Variants in CLUH observed in about 807,000 individuals in gnomAD.
The protein encoded by CLUH is CLUH binding protein of NUMT mRNA, also known as clustered mitochondria protein homolog.
In CLUH, 77 loss-of-function variants were observed where a neutral mutation model predicts 139.3. The ratio of observed to expected loss-of-function variants is 0.55; its 90% CI spans 0.46 to 0.67. CLUH has a LOEUF of 0.67. CLUH is among the 30% of genes least tolerant of loss of function. The pLI, the probability that CLUH is intolerant of heterozygous loss-of-function variation, is 0.00. For synonymous variants in CLUH, 999 were observed against 801.6 expected, an observed-to-expected ratio of 1.25 and a Z score of -4.16; for missense variants, 1,876 against 1,875.8, an observed-to-expected ratio of 1.00 and a Z score of 0.00.
At chr17:2,705,806 T>TG (rs2070333796) in intron 1 of CLUH, among the ~76,000 whole-genome samples, 1 of 152,186 alleles carries the variant, frequency 6.6e-6, no homozygotes, top group South Asian at 2.1e-4. Flanking sequence ...CCAATCCACA[T>TG]GCTCCAGGGT....
rs1318189922 is a variant in CLUH at position 2,698,234 on chromosome 17, G to A, written c.1623C>T (p.Gly541=). 6.3e-7 allele frequency: 1 copy of A among 1,596,236 alleles called. No individual in the cohort carries two copies. Among genetic ancestry groups the A allele is most frequent in the Non-Finnish European group, 8.5e-7 (1 of 1,172,344 alleles). Residue 541 remains glycine (G), a synonymous_variant, in exon 10 of 26, where the codon GGC becomes GGT. Transcript: ENST00000651024. The stretch of plus-strand genomic sequence containing the variant: ...CCACGGTCTTGCCGAAGTCGATGGA[G>A]CCGTAGATGACGCTCTGCTCCTGGT... The part of the protein sequence containing the change: ...ERDQEQSVIY[G]SIDFGKTVVS...
At position 2,707,175 on chromosome 17, in the gene CLUH, G is replaced by T; in HGVS notation, c.101-2611C>A. ...GCTCACCAGGTCCCGGTGCTCACCT[G>T]GTGCAGTTGGCAGCTGCCCTCCCCT... is the stretch of plus-strand genomic sequence containing the variant. On this transcript the variant is annotated intron_variant, in intron 1 of 25. Coordinates refer to ENST00000651024, the MANE Select transcript of CLUH (RefSeq NM_001366661.1). This position sits in a 1 kb window ranked among gnomAD's most constrained non-coding sequence, Gnocchi z 7.4. 1 of 985,360 alleles carries T rather than the reference G, an allele frequency of 1.0e-6. No homozygotes were observed. Among genetic ancestry groups the T allele is most frequent in the South Asian group, 4.7e-5 (1 of 21,288 alleles). The allele number at this position is 985,360 out of a possible 1,614,324, so 61.0% of individuals were successfully genotyped here.
rs1325755860 is a variant in CLUH, at chr17:2,706,890, G to A, written c.101-2326C>T. 6.6e-6 allele frequency among the ~76,000 whole-genome samples: 1 copy of A among 152,190 alleles called. No homozygotes were observed. The highest frequency in any genetic ancestry group is 1.5e-5 in the Non-Finnish European group (1 of 68,026). The stretch of plus-strand genomic sequence containing the variant: ...AGACAGAGACAGCCTGTGTTCTTTC[G>A]CATGTCTGGAATGGGAGGACAGAAA... On this transcript the variant is annotated intron_variant, in intron 1 of 25. Coordinates refer to ENST00000651024, the MANE Select transcript of CLUH (RefSeq NM_001366661.1). The surrounding 1 kb of genome is among the most constrained non-coding windows in gnomAD (Gnocchi z 4.6).
rs2151717324 is a variant in CLUH, at chr17:2,703,196, C to T, written c.475+122G>A. The stretch of plus-strand genomic sequence containing the variant: ...AGGTGTGCTGGCCTGAGAAGCAGAT[C>T]TGTGCTCCAATCCTGCCTCCATGAG... On this transcript the variant is annotated intron_variant, in intron 3 of 25. Coordinates refer to ENST00000651024, the MANE Select transcript of CLUH (RefSeq NM_001366661.1). This position sits in a 1 kb window ranked among gnomAD's most constrained non-coding sequence, Gnocchi z 4.2. 1 of 1,033,998 alleles carries T rather than the reference C, an allele frequency of 9.7e-7. No individual in the cohort carries two copies. The highest frequency in any genetic ancestry group is 1.4e-6 in the Non-Finnish European group (1 of 713,226). The allele number at this position is 1,033,998 out of a possible 1,614,324, so 64.1% of individuals were successfully genotyped here.
Position 2,700,589 on chromosome 17 carries a change from G to A in CLUH, c.1173+89C>T, listed in dbSNP as rs960653219. 2.0e-6 allele frequency: 3 copies of A among 1,533,078 alleles called. No homozygotes were observed. In the African/African-American group the frequency reaches 4.1e-5, roughly 21 times the overall value. 95.0% of individuals were successfully genotyped at this position (1,533,078 alleles called of 1,614,324 possible). A position where few individuals can be genotyped will look rare whatever the true frequency, so the allele number is the denominator to read the frequency against. On this transcript the variant is annotated intron_variant, in intron 8 of 25. Coordinates refer to ENST00000651024, the MANE Select transcript of CLUH (RefSeq NM_001366661.1). ...GCCCCAGACTCCCAAATGAAGTCAA[G>A]CATGGGGCCTCCAGGGAAGTGCACG...
At chr17:2,692,905 T>C (rs1440329144) in intron 19 of CLUH, 45 bp from the exon 20 acceptor site, 2 of 1,526,128 alleles carry the variant, frequency 1.3e-6, no homozygotes, top group South Asian at 1.3e-5. Context: ...GAACCCCCAC[T>C]GCACCCAGAG....
Position 2,690,682 on chromosome 17 carries a change from G to C in CLUH, c.3959C>G (p.Ala1320Gly), listed in dbSNP as rs929544170. 42 of 1,565,720 alleles carry C rather than the reference G, an allele frequency of 2.7e-5. No individual in the cohort carries two copies. The highest frequency in any genetic ancestry group is 4.1e-5 in the Admixed American group (2 of 49,090). ...GGCCCCCGCTGGCGCGGGCTCGGTA[G>C]CCATGGGCTCCTCGGCTCTATCCCT... Reference protein sequence around the residue: ...RNRDRAEEPMATEPAPAGAPG... With the variant: ...RNRDRAEEPMGTEPAPAGAPG... Residue 1320 changes from alanine (A) to glycine (G), a missense_variant, in exon 26 of 26, where the codon GCT becomes GGT. By Grantham distance (60) the Ala-to-Gly change is moderately conservative. Coordinates refer to ENST00000651024, the MANE Select transcript of CLUH (RefSeq NM_001366661.1).
chr17:2,705,147 C>T (rs1008887247), intron 1 of CLUH, among the ~76,000 whole-genome samples: 5 of 152,020 alleles, frequency 3.3e-5, no homozygotes, highest in Non-Finnish European at 5.9e-5. Flanking sequence ...CAGGCATCAA[C>T]ATGTGGCTGT....
At chr17:2,691,939 G>GCCACGCCCCCC in intron 23 of CLUH, 44 bp from the exon 24 acceptor site, 2 of 1,061,460 alleles carry the variant, frequency 1.9e-6, no homozygotes, top group Non-Finnish European at 2.4e-6. Context: ...GTGCCCCCGC[G>GCCACGCCCCCC]GCCCCGCCCC....
rs1332026663 is a variant in CLUH at position 2,701,898 on chromosome 17, C to T, written c.619+16G>A. 3.1e-6 allele frequency: 5 copies of T among 1,613,202 alleles called. No individual in the cohort carries two copies. The highest frequency in any genetic ancestry group is 2.2e-5 in the South Asian group (2 of 91,086). ...CCGCCCTTTGGCCCAATCCCCGGCC[C>T]CAGTGCCTCCCGCACCTCCCAGGTC... On this transcript the variant is annotated intron_variant, in intron 4 of 25. Transcript: ENST00000651024.
Position 2,690,359 on chromosome 17 carries a change from C to T in CLUH, c.*235G>A, listed in dbSNP as rs2069572963. ...CCAGCCGGGAACTGATGGCCGCACA[C>T]GCCATTCACGTGTCTCCAATGGGGC... On this transcript the variant is annotated 3_prime_UTR_variant, in exon 26 of 26. Coordinates refer to ENST00000651024, the MANE Select transcript of CLUH (RefSeq NM_001366661.1). 4.7e-6 allele frequency: 2 copies of T among 425,324 alleles called. No homozygotes were observed. Among genetic ancestry groups the T allele is most frequent in the South Asian group, 6.8e-5 (1 of 14,610 alleles). 26.3% of individuals were successfully genotyped at this position (425,324 alleles called of 1,614,324 possible).
chr17:2,694,545 C>T lies in CLUH; in HGVS notation c.2872G>A (p.Val958Met), dbSNP rs1269263782. 1.9e-6 allele frequency: 3 copies of T among 1,579,486 alleles called. No homozygotes were observed. The highest frequency in any genetic ancestry group is 3.6e-5 in the Admixed American group (2 of 54,972). Residue 958 changes from valine to methionine, a missense_variant, in exon 17 of 26, where the codon GTG (valine) becomes ATG (methionine). This residue lies in a region of CLUH where 1,454 missense variants were observed against 1,384.4 expected (regional missense o/e 1.05). Transcript: ENST00000651024. ...DLECETVDQA[V>M]ETYGLQKITL... ...ATCTTCTGCAGGCCGTAGGTCTCCACAGCCTGGTCCACGGTCTCACTGAGG... is the reference window on the plus strand; with the variant it reads ...ATCTTCTGCAGGCCGTAGGTCTCCATAGCCTGGTCCACGGTCTCACTGAGG...
intron 24 of CLUH, 32 bp downstream of exon 24, chr17:2,691,728 CG>C (rs778402807): frequency 1.2e-6 from 2 of 1,602,120 alleles, no homozygotes; most frequent in Non-Finnish European, 1.7e-6. Flanking sequence ...CCGCGCTCGC[CG>C]GGCCGGAGGG....
rs932284495 is a variant in CLUH at position 2,692,391 on chromosome 17, T to C, written c.3530A>G (p.His1177Arg). ...GGCCACCTTGAGGGCCTTGGGCCCG[T>C]GGTACTTGGTGCTGACGGCCAGCGC... ...ENALAVSTKY[H>R]GPKALKVALS... The change falls in exon 22 of 26, where the codon CAC becomes CGC. Residue 1177 changes from histidine to arginine, a missense_variant. This residue lies in a region of CLUH where 1,454 missense variants were observed against 1,384.4 expected (regional missense o/e 1.05). Coordinates refer to ENST00000651024, the MANE Select transcript of CLUH (RefSeq NM_001366661.1). 4.4e-6 allele frequency: 7 copies of C among 1,594,170 alleles called. No homozygotes were observed. The highest frequency in any genetic ancestry group is 5.1e-6 in the Non-Finnish European group (6 of 1,177,444).
Position 2,700,810 on chromosome 17 carries a change from C to CGGGTGGCGCTG in CLUH, c.1030_1040dup (p.Phe348SerfsTer100). Reference sequence around the variant, plus strand: ...GGAATGGGGTGGCGATCCTCTCGAACGGGTGGCGCTGGACCCTGTGGCAGG... The same window carrying CGGGTGGCGCTG: ...GGAATGGGGTGGCGATCCTCTCGAACGGGTGGCGCTGGGGTGGCGCTGGACCCTGTGGCAGG... On this transcript the variant is annotated frameshift_variant, in exon 8 of 26. Coordinates refer to ENST00000651024, the MANE Select transcript of CLUH (RefSeq NM_001366661.1). LOFTEE classifies it high-confidence loss of function. 3 of 1,526,166 alleles carry CGGGTGGCGCTG rather than the reference C, an allele frequency of 2.0e-6. No individual in the cohort carries two copies. The highest frequency in any genetic ancestry group is 1.8e-6 in the Non-Finnish European group (2 of 1,142,698). The allele number at this position is 1,526,166 out of a possible 1,614,324, so 94.5% of individuals were successfully genotyped here.
At position 2,693,900 on chromosome 17, in the gene CLUH, C is replaced by T. The variant is rs2069821279; in HGVS notation, c.3231G>A (p.Glu1077=). Residue 1077 remains glutamate, a splice_region_variant and synonymous_variant, in exon 19 of 26, where the codon GAG becomes GAA. Coordinates refer to ENST00000651024, the MANE Select transcript of CLUH (RefSeq NM_001366661.1). ...RLHYIMGDYA[E]ALSNQQKAVL... is the part of the protein sequence containing the mutation. ...TTTGCTGCCACAGCCCAGAGGGTAC[C>T]TCTGCGTAGTCGCCCATGATGTAGT... 1.2e-6 allele frequency: 2 copies of T among 1,610,042 alleles called. No individual in the cohort carries two copies. Among genetic ancestry groups the T allele is most frequent in the African/African-American group, 1.3e-5 (1 of 74,948 alleles).
Position 2,704,518 on chromosome 17 carries a change from C to T in CLUH, c.147G>A (p.Leu49=), listed in dbSNP as rs769467312. 1.3e-6 allele frequency: 2 copies of T among 1,582,450 alleles called. No individual in the cohort carries two copies. The highest frequency in any genetic ancestry group is 1.7e-6 in the Non-Finnish European group (2 of 1,164,496). Residue 49 remains leucine, a synonymous_variant, in exon 2 of 26, where the codon CTG becomes CTA. Coordinates refer to ENST00000651024, the MANE Select transcript of CLUH (RefSeq NM_001366661.1). The surrounding 1 kb of genome is among the most constrained non-coding windows in gnomAD (Gnocchi z 5.7). ...MLLNGDCPES[L]KKEAAAAEPP... is the part of the protein sequence containing the mutation. ...GCTCGGCCGCCGCCGCCTCCTTCTT[C>T]AGGCTCTCTGGGCAGTCCCCGTTTA...
chr17:2,701,881 T>G (rs993100572), intron 4 of CLUH, 33 bp downstream of exon 4: 7 of 1,612,272 alleles, frequency 4.3e-6, no homozygotes, highest in Non-Finnish European at 5.9e-6. Context: ...CCCCGCCCTT[T>G]GGCCCAATCC....
At position 2,691,637 on chromosome 17, in the gene CLUH, T is replaced by C. The variant is rs778345831; in HGVS notation, c.3835A>G (p.Ile1279Val). Residue 1279 changes from isoleucine to valine, a missense_variant, in exon 25 of 26, where the codon ATT becomes GTT. Physicochemically the swap from Ile to Val is conservative, Grantham distance 29 (BLOSUM62 3). Coordinates refer to ENST00000651024, the MANE Select transcript of CLUH (RefSeq NM_001366661.1). ...AGAGGAATGAAGAGGATGCCGTTAA[T>C]GACGTTCAGCTGCTCCAAGACGCTG... ...MASVLEQLNV[I>V]NGILFIPLSQ... 61 of 1,612,498 alleles carry C rather than the reference T, an allele frequency of 3.8e-5. No homozygotes were observed. The highest frequency in any genetic ancestry group is 5.2e-5 in the Non-Finnish European group (61 of 1,179,346).
Sources: allele counts gnomAD v4.1 joint callset (sites outside exome capture counted in the v4.1 genomes callset), GRCh38; gene constraint gnomAD v4.1.1; regional missense constraint gnomAD v4.1.1; non-coding constraint Gnocchi (gnomAD v3.1); transcripts MANE v1.5; gene names NCBI Gene and HGNC (gene_info 2026-07-23, HGNC 2026-07-21).